MTMR12: variants seen among roughly 807,000 people sequenced by gnomAD.
The protein encoded by MTMR12 is myotubularin related protein 12, also known as myotubularin-related protein 12.
A neutral mutation model predicts 96.7 loss-of-function variants in MTMR12; 33 were observed. The observed-to-expected ratio is 0.34, with a 90% CI of 0.26 to 0.46. The LOEUF (loss-of-function observed/expected upper bound fraction) is 0.46, where lower values mean the gene tolerates loss of function less well. Among genes scored for constraint, MTMR12 ranks in the 20% least tolerant of loss-of-function variants. The pLI, the probability that MTMR12 is intolerant of heterozygous loss-of-function variation, is 1.00. For missense variants in MTMR12, 721 were observed against 896.1 expected (o/e 0.80, Z 2.49); for synonymous variants, 298 against 327.2 (o/e 0.91, Z 0.96).
chr5:32,306,169 G>C (rs1751356916), intron 1 of MTMR12, among the ~76,000 whole-genome samples: 1 of 152,064 alleles, frequency 6.6e-6, no homozygotes, highest in Non-Finnish European at 1.5e-5. Context: ...ATTCATAAAT[G>C]TAAGAATAAG....
At chr5:32,303,834 C>T (rs1057140287) in intron 1 of MTMR12, among the ~76,000 whole-genome samples, 1 of 140,440 alleles carries the variant, frequency 7.1e-6, no homozygotes, top group Non-Finnish European at 1.5e-5. Context: ...ACTCACTGCC[C>T]TCTTTGCCAT....
At chr5:32,266,753 C>T (rs969916290) in intron 6 of MTMR12, among the ~76,000 whole-genome samples, 1 of 150,888 alleles carries the variant, frequency 6.6e-6, no homozygotes, top group Non-Finnish European at 1.5e-5. Flanking sequence ...GTACATAGGA[C>T]TCAGGATCAC....
At chr5:32,230,799 C>T (rs1441324523) in intron 15 of MTMR12, among the ~76,000 whole-genome samples, 2 of 152,250 alleles carry the variant, frequency 1.3e-5, no homozygotes, top group Non-Finnish European at 2.9e-5. Context: ...CCACTACAAT[C>T]TTCTGAACAA....
intron 10 of MTMR12, among the ~76,000 whole-genome samples, chr5:32,243,963 A>T (rs1413256813): frequency 6.6e-5 from 10 of 152,216 alleles, no homozygotes; most frequent in African/African-American, 2.4e-4. Context: ...ATGCAACTGG[A>T]TCCATCCTGA....
At chr5:32,247,424 G>A (rs899590019) in intron 10 of MTMR12, among the ~76,000 whole-genome samples, 17 of 152,290 alleles carry the variant, frequency 1.1e-4, no homozygotes, top group Admixed American at 3.3e-4. Context: ...ACTCATTCCA[G>A]AATGAAGAGA....
rs1252086094 is a variant in MTMR12, at chr5:32,229,120, A to G, written c.*658T>C. 6.6e-6 allele frequency: 1 copy of G among 152,470 alleles called. No homozygotes were observed. Among genetic ancestry groups the G allele is most frequent in the East Asian group, 1.9e-4 (1 of 5,182 alleles). 9.4% of individuals were successfully genotyped at this position (152,470 alleles called of 1,614,324 possible). On this transcript the variant is annotated 3_prime_UTR_variant, in exon 16 of 16. Coordinates refer to ENST00000382142, the MANE Select transcript of MTMR12 (RefSeq NM_001040446.3). ...GAAGACCTGGGGCTGGCAGCACAGA[A>G]AAGAGGGTGGTGGCTGGCTAGCCCC...
In MTMR12 at chr5:32,236,958, T is replaced by G. The variant is rs184466519; in HGVS notation, c.1345-1829A>C. Reference sequence around the variant, plus strand: ...GCCATCAACCTTTCAAATTAGTTTCTTCAAGTCCCTTCCAGGACTGAAAGA... The same window carrying G: ...GCCATCAACCTTTCAAATTAGTTTCGTCAAGTCCCTTCCAGGACTGAAAGA... On this transcript the variant is annotated intron_variant, in intron 13 of 15. Transcript: ENST00000382142. Among the ~76,000 whole-genome samples, 25 of 152,358 alleles carry G rather than the reference T, an allele frequency of 1.6e-4. No individual in the cohort carries two copies. The East Asian group carries it at 4.0e-3, about 25-fold the overall frequency.
intron 13 of MTMR12, among the ~76,000 whole-genome samples, chr5:32,237,509 GCTTT>G (rs1373734735): frequency 7.1e-6 from 1 of 141,790 alleles, no homozygotes; most frequent in Non-Finnish European, 1.6e-5. Flanking sequence ...ATAACCCTGT[GCTTT>G]CTTCTTTTTT....
At chr5:32,303,338 T>A (rs1236777921) in intron 1 of MTMR12, among the ~76,000 whole-genome samples, 1 of 152,172 alleles carries the variant, frequency 6.6e-6, no homozygotes, top group Non-Finnish European at 1.5e-5. Context: ...AGAGTTGCGA[T>A]ACGGGAGGTA....
chr5:32,239,460 C>T (rs1041660284), intron 12 of MTMR12, among the ~76,000 whole-genome samples: 2 of 152,210 alleles, frequency 1.3e-5, no homozygotes, highest in Admixed American at 6.5e-5. Context: ...AAGCTACTTT[C>T]AGCTTGTGGG....
chr5:32,248,136 A>G lies in MTMR12; in HGVS notation c.897-10T>C. The stretch of plus-strand genomic sequence containing the variant: ...GATGGTCTTGTAAATTCTAGGTATC[A>G]AAAAGGAATATGAGATTAGAAGAGC... On this transcript the variant is annotated splice_polypyrimidine_tract_variant and intron_variant, in intron 9 of 15. Transcript: ENST00000382142. The G allele has an allele frequency of 6.2e-7, 1 of 1,612,144 alleles. No homozygotes were observed. Among genetic ancestry groups the G allele is most frequent in the Non-Finnish European group, 8.5e-7 (1 of 1,179,008 alleles).
chr5:32,245,470 A>G (rs1371237115), intron 10 of MTMR12, among the ~76,000 whole-genome samples: 3 of 152,204 alleles, frequency 2.0e-5, no homozygotes, highest in Non-Finnish European at 4.4e-5. Flanking sequence ...TGAGCAGTAG[A>G]GAAGGACCCT....
chr5:32,239,360 T>C (rs1041383154), intron 12 of MTMR12, among the ~76,000 whole-genome samples, 187 bp from the exon 13 acceptor site: 3 of 152,246 alleles, frequency 2.0e-5, no homozygotes, highest in African/African-American at 4.8e-5. Flanking sequence ...GACTGAGACA[T>C]GAACTGCTCT....
chr5:32,302,337 T>C (rs1018764276), intron 1 of MTMR12, among the ~76,000 whole-genome samples: 10 of 152,224 alleles, frequency 6.6e-5, no homozygotes, highest in African/African-American at 2.4e-4. Context: ...TGATTTTACT[T>C]GATTTGATTT....
chr5:32,243,455 G>T, intron 11 of MTMR12, 66 bp downstream of exon 11: 1 of 1,086,362 alleles, frequency 9.2e-7, no homozygotes, highest in Non-Finnish European at 1.4e-6. Context: ...ATTATTTGTC[G>T]GTTTGATCTA....
rs956926608 is a variant in MTMR12, at chr5:32,265,219, C to T, written c.584-1977G>A. Among the ~76,000 whole-genome samples, 4 of 152,084 alleles carry T rather than the reference C, an allele frequency of 2.6e-5. No individual in the cohort carries two copies. In the East Asian group the frequency reaches 5.8e-4, roughly 22 times the overall value. On this transcript the variant is annotated intron_variant, in intron 6 of 15. Coordinates refer to ENST00000382142, the MANE Select transcript of MTMR12 (RefSeq NM_001040446.3). ...AAGCTATTTGGTCAATTAGCATCTA[C>T]GAGTTATAACCTTTACTTCTCAAAA... is the stretch of plus-strand genomic sequence containing the variant.
At chr5:32,267,024 G>C (rs987263458) in intron 6 of MTMR12, among the ~76,000 whole-genome samples, 6 of 152,140 alleles carry the variant, frequency 3.9e-5, no homozygotes, top group African/African-American at 1.4e-4. Context: ...AAGTTGCAGT[G>C]AGCCAAGATC....
At chr5:32,240,393 C>T (rs1320681985) in intron 12 of MTMR12, among the ~76,000 whole-genome samples, 33 of 131,504 alleles carry the variant, frequency 2.5e-4, no homozygotes, top group Admixed American at 1.1e-3. Flanking sequence ...AGGGAGACTC[C>T]GTCTCAAAAA....
intron 7 of MTMR12, among the ~76,000 whole-genome samples, chr5:32,262,129 C>T (rs1299036248): frequency 2.6e-5 from 4 of 152,076 alleles, no homozygotes; most frequent in Admixed American, 2.6e-4. Flanking sequence ...GAGGAAGAAA[C>T]TCTCATACAC....
Sources: allele counts gnomAD v4.1 joint callset (sites outside exome capture counted in the v4.1 genomes callset), GRCh38; gene constraint gnomAD v4.1.1; transcripts MANE v1.5; gene names NCBI Gene and HGNC (gene_info 2026-07-23, HGNC 2026-07-21).